The following BCCIP variants were observed in gnomAD, a reference collection of about 807,000 sequenced individuals.
BCCIP encodes BRCA2 and CDKN1A interacting protein, also known as BRCA2 and CDKN1A-interacting protein.
Under a neutral mutation model 32.8 loss-of-function variants are expected in BCCIP, and 23 were observed. The observed-to-expected ratio is 0.70, with a 90% CI of 0.51 to 0.99. BCCIP has a LOEUF of 0.99. BCCIP is among the 50% of genes least tolerant of loss of function. The probability of loss-of-function intolerance (pLI) is 0.00; values close to 1 mark genes in which losing one functional copy is unlikely to be tolerated. For missense variants in BCCIP, 378 were observed against 379.8 expected (o/e 1.00, Z 0.04); for synonymous variants, 144 against 137.6 (o/e 1.05, Z -0.33).
downstream of BCCIP, among the ~76,000 whole-genome samples, chr10:125,837,817 CCTT>C (rs1408211039): frequency 6.6e-6 from 1 of 152,182 alleles, no homozygotes; most frequent in Non-Finnish European, 1.5e-5. Context: ...AAGCCTTACA[CCTT>C]CTGGTGCCTG....
chr10:125,838,901 C>T (rs779930197), downstream of BCCIP: 15 of 1,299,250 alleles, frequency 1.2e-5, no homozygotes, highest in South Asian at 4.6e-5. Context: ...TTTAGTTTTA[C>T]TTAATGTCAA....
intron 7 of BCCIP, chr10:125,852,632 G>C: frequency 1.2e-6 from 2 of 1,610,234 alleles, no homozygotes; most frequent in South Asian, 1.1e-5. Context: ...TCTTATTCTC[G>C]GGTTGTACAC....
rs529584915 is a variant in BCCIP at position 125,851,249 on chromosome 10, CCA to C, written c.851-1873_851-1872del. 2.6e-3 allele frequency among the ~76,000 whole-genome samples: 396 copies of C among 152,278 alleles called. 1 individual carries two copies. Among genetic ancestry groups the C allele is most frequent in the South Asian group, 4.6e-3 (22 of 4,824 alleles). ...TCCAAAACAATGAGTCAGAATTAAT[CCA>C]CAGTTATATTTTCCCCAAGCACAGC... On this transcript the variant is annotated intron_variant, in intron 7 of 7. Coordinates refer to the BCCIP transcript ENST00000368759.
intron 7 of BCCIP, among the ~76,000 whole-genome samples, chr10:125,851,394 G>T (rs1944087649): frequency 6.6e-6 from 1 of 152,186 alleles, no homozygotes; most frequent in Non-Finnish European, 1.5e-5. Flanking sequence ...TGACTATTGA[G>T]AGAACACAGT....
chr10:125,851,973 G>A (rs1944096397), intron 7 of BCCIP, among the ~76,000 whole-genome samples: 1 of 149,972 alleles, frequency 6.7e-6, no homozygotes. Flanking sequence ...AAGCTGCTGA[G>A]AATTCTTCTT....
downstream of BCCIP, chr10:125,839,144 C>T (rs1334822424): frequency 1.2e-6 from 2 of 1,614,216 alleles, no homozygotes; most frequent in Admixed American, 3.3e-5. Context: ...ATTCTGAGTG[C>T]TGAACAGTTG....
At chr10:125,831,729 G>T (rs774670252) in intron 5 of BCCIP, 122 bp downstream of exon 5, 54 of 930,852 alleles carry the variant, frequency 5.8e-5, no homozygotes, top group Non-Finnish European at 8.0e-5. Flanking sequence ...AGTGGGTTTA[G>T]TGTGAGGGGA....
At chr10:125,838,172 A>C, downstream of BCCIP, 1 of 1,531,542 alleles carries the variant, frequency 6.5e-7, no homozygotes, top group Non-Finnish European at 8.7e-7. Context: ...GAATTAAAAA[A>C]AAAATACAAC....
downstream of BCCIP, chr10:125,838,386 A>G: frequency 6.4e-7 from 1 of 1,565,544 alleles, no homozygotes; most frequent in Non-Finnish European, 8.6e-7. Context: ...ATCCCGAGCA[A>G]TCTGAAAGGC....
chr10:125,824,485 A>G (rs1038095325), intron 1 of BCCIP, among the ~76,000 whole-genome samples: 4 of 152,188 alleles, frequency 2.6e-5, no homozygotes, highest in Non-Finnish European at 5.9e-5. Context: ...ATTTCTATAA[A>G]TGGCCCCTAA....
At position 125,836,134 on chromosome 10, in the gene BCCIP, CAGG is replaced by C. The variant is rs766195299; in HGVS notation, c.811_813del (p.Glu271del). On this transcript the variant is annotated inframe_deletion, in exon 7 of 7. Coordinates refer to ENST00000278100, the MANE Select transcript of BCCIP (RefSeq NM_078468.3). Reference sequence around the variant, plus strand: ...AATTCTCAAGTTCAACTACTCAGTGCAGGAGGAGAGCGACACTTGTCTGGGAGG... The same window carrying C: ...AATTCTCAAGTTCAACTACTCAGTGCAGGAGAGCGACACTTGTCTGGGAGG... The C allele has an allele frequency of 2.4e-5, 39 of 1,614,052 alleles. No individual in the cohort carries two copies. Among genetic ancestry groups the C allele is most frequent in the Non-Finnish European group, 3.3e-5 (39 of 1,179,998 alleles).
In BCCIP at chr10:125,831,761, GTACA is replaced by G. The variant is rs963983643; in HGVS notation, c.599+160_599+163del. ...GGGAGTGGAAGAAACATCCTGTGAA[GTACA>G]TACATTATTAACAACTGGCTTTTTG... On this transcript the variant is annotated intron_variant, in intron 5 of 6. Transcript: ENST00000278100. 1.6e-5 allele frequency: 9 copies of G among 576,566 alleles called. No individual in the cohort carries two copies. In the African/African-American group the frequency reaches 1.7e-4, roughly 11 times the overall value. 35.7% of individuals were successfully genotyped at this position (576,566 alleles called of 1,614,324 possible). A position where few individuals can be genotyped will look rare whatever the true frequency, so the allele number is the denominator to read the frequency against.
At chr10:125,847,330 C>G (rs1944034857), downstream of BCCIP, among the ~76,000 whole-genome samples, 1 of 152,214 alleles carries the variant, frequency 6.6e-6, no homozygotes, top group Admixed American at 6.5e-5. Context: ...TCATAATTCA[C>G]TTTTTCCTTA....
At chr10:125,834,899 A>G (rs12768373) in intron 6 of BCCIP, among the ~76,000 whole-genome samples, 33,428 of 151,554 alleles carry the variant, frequency 0.22, 4,452 homozygotes, top group East Asian at 0.33. Flanking sequence ...TTGGGAGGTC[A>G]AGGCGGGTGG....
downstream of BCCIP, among the ~76,000 whole-genome samples, chr10:125,838,723 G>C (rs1356030985): frequency 6.6e-6 from 1 of 152,152 alleles, no homozygotes; most frequent in Non-Finnish European, 1.5e-5. Flanking sequence ...TTTACACTTG[G>C]TGTGTAGCAC....
downstream of BCCIP, chr10:125,839,000 C>T (rs762299233): frequency 1.5e-5 from 24 of 1,613,196 alleles, no homozygotes; most frequent in Non-Finnish European, 1.6e-5. Context: ...CCCCTTCTCA[C>T]CTGCATAAAG....
downstream of BCCIP, among the ~76,000 whole-genome samples, chr10:125,838,650 T>A (rs576574591): frequency 2.0e-5 from 3 of 152,126 alleles, no homozygotes; most frequent in African/African-American, 7.2e-5. Flanking sequence ...GTTTTGGCCA[T>A]GAGATGAAAC....
At chr10:125,852,046 C>T (rs961129647) in intron 7 of BCCIP, among the ~76,000 whole-genome samples, 5 of 152,198 alleles carry the variant, frequency 3.3e-5, no homozygotes, top group African/African-American at 7.2e-5. Flanking sequence ...CCCAGTTCCC[C>T]TGTGCTGCAG....
rs534846604 is a variant in BCCIP, at chr10:125,834,948, T to C, written c.774+1002T>C. Among the ~76,000 whole-genome samples the C allele has an allele frequency of 2.2e-3, 321 of 147,302 alleles. 2 individuals are homozygous for C. Among genetic ancestry groups the C allele is most frequent in the East Asian group, 2.5e-3 (12 of 4,706 alleles). ...GAGATCGAGACCATCCTGGCTAACATGGTGAAACCCCGTCTCTACTAAAAA... is the reference window on the plus strand; with the variant it reads ...GAGATCGAGACCATCCTGGCTAACACGGTGAAACCCCGTCTCTACTAAAAA... On this transcript the variant is annotated intron_variant, in intron 6 of 6. Transcript: ENST00000278100.
Sources: gnomAD v4.1 joint callset for allele counts (sites outside exome capture counted in the v4.1 genomes callset) on GRCh38, gnomAD v4.1.1 for gene constraint, MANE v1.5 for transcripts, NCBI Gene and HGNC (gene_info 2026-07-23, HGNC 2026-07-21) for gene names.